The following NME5 variants were observed in gnomAD, a reference collection of about 807,000 sequenced individuals.
NME5 encodes NME/NM23 family member 5.
A neutral mutation model predicts 21.6 loss-of-function variants in NME5; 18 were observed. That is an observed-to-expected ratio of 0.83 (90% confidence interval 0.58 to 1.24). The LOEUF (loss-of-function observed/expected upper bound fraction) is 1.24. Among genes scored for constraint, NME5 ranks in the 50% most tolerant of loss-of-function variants. The pLI is 0.00. For synonymous variants in NME5, 70 were observed against 80.6 expected, an observed-to-expected ratio of 0.87 and a Z score of 0.71; for missense variants, 223 against 255.4, an observed-to-expected ratio of 0.87 and a Z score of 0.86.
chr5:138,116,352 CCAA>C (rs1471498221), intron 5 of NME5: 1 of 152,190 alleles, frequency 6.6e-6, no homozygotes, highest in East Asian at 1.9e-4. Flanking sequence ...TGCCAAATGT[CCAA>C]CAAGTTTTTT....
chr5:138,137,000 CAAA>C (rs201169427), intron 2 of NME5, among the ~76,000 whole-genome samples: 1 of 135,450 alleles, frequency 7.4e-6, no homozygotes. Context: ...TAAGTCATAA[CAAA>C]AAAAAAAAAG....
At chr5:138,120,296 C>T (rs1751258541) in intron 4 of NME5, among the ~76,000 whole-genome samples, 2 of 146,770 alleles carry the variant, frequency 1.4e-5, no homozygotes, top group East Asian at 2.0e-4. Flanking sequence ...TGCAGTGCCG[C>T]GATCTTGGCT....
chr5:138,120,320 G>A (rs183809174), intron 4 of NME5, among the ~76,000 whole-genome samples: 1,607 of 138,862 alleles, frequency 0.012, 18 homozygotes, highest in Middle Eastern at 0.041. Flanking sequence ...TGCAAGCTCC[G>A]CCTCCTGGGT....
intron 3 of NME5, 150 bp downstream of exon 3, chr5:138,129,113 A>C: frequency 3.4e-6 from 2 of 579,836 alleles, no homozygotes; most frequent in Non-Finnish European, 3.0e-6. Flanking sequence ...TGGACCCCCC[A>C]GGCCCTGCCA....
chr5:138,135,595 A>G (rs1478211160), intron 2 of NME5, among the ~76,000 whole-genome samples: 1 of 152,038 alleles, frequency 6.6e-6, no homozygotes, highest in African/African-American at 2.4e-5. Flanking sequence ...TTGGCCTCCC[A>G]AAGTGCTGGG....
chr5:138,137,480 G>A (rs1233890531), intron 2 of NME5, among the ~76,000 whole-genome samples: 3 of 151,666 alleles, frequency 2.0e-5, no homozygotes, highest in African/African-American at 7.3e-5. Flanking sequence ...ACCACGCCCA[G>A]CTAATTTTTG....
intron 2 of NME5, 83 bp downstream of exon 2, chr5:138,138,569 A>C (rs1270019261): frequency 6.6e-6 from 8 of 1,218,266 alleles, no homozygotes; most frequent in Non-Finnish European, 9.3e-6. Flanking sequence ...CTAAGGGTTT[A>C]AATGGGTAGG....
Position 138,129,338 on chromosome 5 carries a change from T to C in NME5, c.260A>G (p.His87Arg), listed in dbSNP as rs191188008. 1.1e-4 allele frequency: 177 copies of C among 1,614,098 alleles called. No homozygotes were observed. The highest frequency in any genetic ancestry group is 9.3e-4 in the Admixed American group (56 of 60,010). ...TTCTAACCAATAAGAGATGGCTTTA[T>C]GTCTAGCTAATATCATGGCGACAAG... ...GPLVAMILARHKAISYWLELL... is the reference protein window; with the variant it reads ...GPLVAMILARRKAISYWLELL... Residue 87 changes from histidine to arginine, a missense_variant, in exon 3 of 6, where the codon CAT (histidine) becomes CGT (arginine). Physicochemically the swap from His to Arg is conservative, Grantham distance 29. Transcript: ENST00000265191.
At position 138,126,301 on chromosome 5, in the gene NME5, A is replaced by G. The variant is rs575387322; in HGVS notation, c.436+2178T>C. On this transcript the variant is annotated intron_variant, in intron 4 of 5. Coordinates refer to ENST00000265191, the MANE Select transcript of NME5 (RefSeq NM_003551.3). ...CAGGTGGGAGTATTGCTTGAGCCCA[A>G]GAGTTCGAGACTGGCCTGGGAAACA... 3.9e-4 allele frequency among the ~76,000 whole-genome samples: 60 copies of G among 151,984 alleles called. No homozygotes were observed. In the South Asian group the frequency reaches 6.4e-3, roughly 16 times the overall value.
chr5:138,121,285 C>T (rs1751280448), intron 4 of NME5, among the ~76,000 whole-genome samples: 1 of 151,890 alleles, frequency 6.6e-6, no homozygotes, highest in Non-Finnish European at 1.5e-5. Context: ...AAAAAGTAGC[C>T]AGGCATGGTG....
chr5:138,120,974 T>C (rs1751274167), intron 4 of NME5, among the ~76,000 whole-genome samples: 1 of 152,152 alleles, frequency 6.6e-6, no homozygotes, highest in Non-Finnish European at 1.5e-5. Flanking sequence ...AGCCTACAGT[T>C]GGGCAAAATC....
At chr5:138,129,596 A>G in intron 2 of NME5, 128 bp from the exon 3 acceptor site, 1 of 654,494 alleles carries the variant, frequency 1.5e-6, no homozygotes, top group Non-Finnish European at 2.6e-6. Context: ...TGTATTATGA[A>G]GAAAGAAAAG....
chr5:138,126,531 AAAAAAG>A lies in NME5; in HGVS notation c.436+1942_436+1947del, dbSNP rs1298160817. Among the ~76,000 whole-genome samples, 140 of 150,386 alleles carry A rather than the reference AAAAAAG, an allele frequency of 9.3e-4. 1 individual carries two copies. The highest frequency in any genetic ancestry group is 1.5e-3 in the Non-Finnish European group (103 of 67,516). On this transcript the variant is annotated intron_variant, in intron 4 of 5. Transcript: ENST00000265191. ...ATCTCAAAAAAAAAAAAAAAAAAAA[AAAAAAG>A]AAAGAAAGCGAAAAGAAAGAAAATT... is the stretch of plus-strand genomic sequence containing the variant.
intron 5 of NME5, among the ~76,000 whole-genome samples, chr5:138,118,417 G>A (rs555161745): frequency 2.0e-5 from 3 of 152,056 alleles, no homozygotes; most frequent in Non-Finnish European, 2.9e-5. Context: ...GAGCCACTGC[G>A]CCCAGCTATA....
chr5:138,118,610 G>C (rs1211084000), intron 5 of NME5, among the ~76,000 whole-genome samples: 2 of 151,444 alleles, frequency 1.3e-5, no homozygotes. Flanking sequence ...TCAGCCTCCT[G>C]AGTAGCTGGG....
chr5:138,138,434 G>A (rs1057074691), intron 2 of NME5: 17 of 426,502 alleles, frequency 4.0e-5, no homozygotes, highest in African/African-American at 2.7e-4. Context: ...CTGGAGCCTG[G>A]GACTTGGGGT....
chr5:138,139,201 A>T, intron 1 of NME5, 170 bp downstream of exon 1: 2 of 226,204 alleles, frequency 8.8e-6, no homozygotes, highest in Non-Finnish European at 1.5e-5. Context: ...ACACACCATT[A>T]CAGCGGCGGG....
chr5:138,127,090 CAGG>C (rs1426122400), intron 4 of NME5, among the ~76,000 whole-genome samples: 1 of 152,094 alleles, frequency 6.6e-6, no homozygotes, highest in Non-Finnish European at 1.5e-5. Flanking sequence ...GAGGCTGAGG[CAGG>C]AGGACTGCTT....
Position 138,137,898 on chromosome 5 carries a change from C to A in NME5, c.129+754G>T, listed in dbSNP as rs6886543. Reference sequence around the variant, plus strand: ...CCTGTAATCCCAGCTACTCAGGAGGCTGAGGCAGGAGAATTGCTTGAACCG... The same window carrying A: ...CCTGTAATCCCAGCTACTCAGGAGGATGAGGCAGGAGAATTGCTTGAACCG... On this transcript the variant is annotated intron_variant, in intron 2 of 5. Transcript: ENST00000265191. 2.0e-3 allele frequency among the ~76,000 whole-genome samples: 306 copies of A among 151,810 alleles called. 2 individuals are homozygous for A. The highest frequency in any genetic ancestry group is 6.9e-3 in the African/African-American group (287 of 41,426).
Sources: gnomAD v4.1 joint callset for allele counts (sites outside exome capture counted in the v4.1 genomes callset) on GRCh38, gnomAD v4.1.1 for gene constraint, MANE v1.5 for transcripts, NCBI Gene and HGNC (gene_info 2026-07-23, HGNC 2026-07-21) for gene names.